SNCAIP: variants seen among roughly 807,000 people sequenced by gnomAD.
SNCAIP encodes the protein synphilin-1.
A neutral mutation model predicts 86.7 loss-of-function variants in SNCAIP; 43 were observed. That is an observed-to-expected ratio of 0.50 (90% confidence interval 0.39 to 0.64). SNCAIP has a LOEUF of 0.64. Among genes scored for constraint, SNCAIP ranks in the 30% least tolerant of loss-of-function variants. The pLI is 0.00. For missense variants in SNCAIP, 981 were observed against 1,103.1 expected, an observed-to-expected ratio of 0.89 and a Z score of 1.57; for synonymous variants, 417 against 427.2, an observed-to-expected ratio of 0.98 and a Z score of 0.29.
chr5:122,367,765 A>G (rs1485938388), intron 1 of SNCAIP, among the ~76,000 whole-genome samples: 1 of 152,186 alleles, frequency 6.6e-6, no homozygotes, highest in Non-Finnish European at 1.5e-5. Context: ...TAGGAGATAA[A>G]TAGTAACAAA....
At chr5:122,427,464 C>T (rs1036028361) in intron 5 of SNCAIP, among the ~76,000 whole-genome samples, 1 of 151,806 alleles carries the variant, frequency 6.6e-6, no homozygotes, top group African/African-American at 2.4e-5. Flanking sequence ...GCTTTTCATA[C>T]TTAACTTCCA....
At chr5:122,370,430 T>A (rs1263945597) in intron 1 of SNCAIP, among the ~76,000 whole-genome samples, 2 of 152,114 alleles carry the variant, frequency 1.3e-5, no homozygotes, top group Admixed American at 6.6e-5. Flanking sequence ...GTATTGTACT[T>A]TAGTGTGTTC....
At chr5:122,447,449 C>G (rs1487593999) in intron 8 of SNCAIP, among the ~76,000 whole-genome samples, 1 of 152,180 alleles carries the variant, frequency 6.6e-6, no homozygotes, top group Non-Finnish European at 1.5e-5. Flanking sequence ...TCTTCCTTCT[C>G]CATTCATACC....
chr5:122,457,192 G>A lies in SNCAIP; in HGVS notation c.2754+5591G>A, dbSNP rs982585584. On this transcript the variant is annotated intron_variant, in intron 10 of 10. Coordinates refer to ENST00000261368, the MANE Select transcript of SNCAIP (RefSeq NM_005460.4). ...TAATTTTTGTCTTTTTAGTAGAGAC[G>A]AGGTTTCACCCTGTTGGCCAGGCTG... Among the ~76,000 whole-genome samples the A allele has an allele frequency of 8.5e-5, 13 of 152,090 alleles. No individual in the cohort carries two copies. The South Asian group carries it at 1.7e-3, about 20-fold the overall frequency.
intron 10 of SNCAIP, among the ~76,000 whole-genome samples, chr5:122,452,487 T>C (rs916044630): frequency 6.6e-6 from 1 of 152,204 alleles, no homozygotes; most frequent in African/African-American, 2.4e-5. Context: ...AGAATCCCAT[T>C]ACAATGAGGT....
intron 3 of SNCAIP, among the ~76,000 whole-genome samples, chr5:122,421,994 C>T (rs1776457376): frequency 7.5e-6 from 1 of 132,958 alleles, no homozygotes; most frequent in Non-Finnish European, 1.6e-5. Context: ...TTTATCCAAA[C>T]TTTGCACAGA....
In SNCAIP at chr5:122,450,003, TTCC is replaced by T. The variant is rs1178728365; in HGVS notation, c.1685+68_1685+70del. 1.2e-5 allele frequency: 13 copies of T among 1,070,688 alleles called. No homozygotes were observed. The African/African-American group carries it at 2.0e-4, about 17-fold the overall frequency. 66.3% of individuals were successfully genotyped at this position (1,070,688 alleles called of 1,614,324 possible). On this transcript the variant is annotated intron_variant, in intron 9 of 10. Coordinates refer to ENST00000261368, the MANE Select transcript of SNCAIP (RefSeq NM_005460.4). ...TAAATTGTTAAGCCTTCTTCTGAAC[TTCC>T]TTTGATATATTTTAAGAGGATGACA...
intron 1 of SNCAIP, among the ~76,000 whole-genome samples, chr5:122,333,795 G>T (rs1383206758): frequency 6.6e-6 from 1 of 152,202 alleles, no homozygotes; most frequent in East Asian, 1.9e-4. Flanking sequence ...CTGAGCAGGG[G>T]GTGGTTGTGT....
chr5:122,418,728 CAG>C (rs1775794341), intron 3 of SNCAIP, among the ~76,000 whole-genome samples: 1 of 152,140 alleles, frequency 6.6e-6, no homozygotes, highest in Non-Finnish European at 1.5e-5. Flanking sequence ...CTCTGTAAAT[CAG>C]GGGTATTTAG....
chr5:122,397,066 C>A (rs1364391068), intron 2 of SNCAIP, among the ~76,000 whole-genome samples: 1 of 152,094 alleles, frequency 6.6e-6, no homozygotes, highest in Non-Finnish European at 1.5e-5. Flanking sequence ...ATAATCTTCC[C>A]GGACACACCT....
At chr5:122,356,839 C>G (rs1761110091) in intron 1 of SNCAIP, among the ~76,000 whole-genome samples, 1 of 152,218 alleles carries the variant, frequency 6.6e-6, no homozygotes, top group South Asian at 2.1e-4. Flanking sequence ...AGTACCAGGC[C>G]TGGACCGATG....
At chr5:122,462,847 C>G (rs1022427371) in intron 10 of SNCAIP, among the ~76,000 whole-genome samples, 1 of 152,120 alleles carries the variant, frequency 6.6e-6, no homozygotes, top group East Asian at 1.9e-4. Context: ...GGAGTAATAC[C>G]TCATGAAAAT....
At chr5:122,395,915 T>G (rs1457368415) in intron 2 of SNCAIP, among the ~76,000 whole-genome samples, 2 of 152,144 alleles carry the variant, frequency 1.3e-5, no homozygotes, top group Non-Finnish European at 2.9e-5. Context: ...CTTCTGTACC[T>G]TCTAGAAGGT....
chr5:122,444,922 GC>G, intron 8 of SNCAIP, 190 bp downstream of exon 8: 1 of 642,416 alleles, frequency 1.6e-6, no homozygotes, highest in Non-Finnish European at 2.8e-6. Context: ...CTCTGCAGAG[GC>G]AAAAGGATGT....
Position 122,447,408 on chromosome 5 carries a change from C to T in SNCAIP, c.1593-2437C>T, listed in dbSNP as rs1782558127. On this transcript the variant is annotated intron_variant, in intron 8 of 10. Coordinates refer to ENST00000261368, the MANE Select transcript of SNCAIP (RefSeq NM_005460.4). ...CTACAATTAAAGCTGATGAGTTCTT[C>T]CTGAGGGCTACTATAGAATCCAGAG... 3.3e-5 allele frequency among the ~76,000 whole-genome samples: 5 copies of T among 152,210 alleles called. No homozygotes were observed. In the South Asian group the frequency reaches 1.0e-3, roughly 32 times the overall value.
chr5:122,370,872 C>T (rs1202040921), intron 1 of SNCAIP, among the ~76,000 whole-genome samples: 2 of 152,090 alleles, frequency 1.3e-5, no homozygotes, highest in Non-Finnish European at 2.9e-5. Context: ...GTATTATTTG[C>T]TATAAATTGT....
intron 5 of SNCAIP, among the ~76,000 whole-genome samples, chr5:122,430,454 T>C (rs890688002): frequency 3.9e-5 from 6 of 152,214 alleles, no homozygotes; most frequent in African/African-American, 1.2e-4. Flanking sequence ...ATGAGGTAGT[T>C]ACTATTATCC....
chr5:122,450,301 ACAGTAAAACAGACAAATTTAGTAGT>A (rs1783449514), intron 9 of SNCAIP, among the ~76,000 whole-genome samples: 1 of 152,260 alleles, frequency 6.6e-6, no homozygotes, highest in Non-Finnish European at 1.5e-5. Context: ...TGATGTATAA[ACAGTAAAACAGACAAATTTAGTAGT>A]CATGGTAGTT....
At chr5:122,369,053 T>C (rs776369507) in intron 1 of SNCAIP, among the ~76,000 whole-genome samples, 1 of 152,174 alleles carries the variant, frequency 6.6e-6, no homozygotes, top group South Asian at 2.1e-4. Context: ...AGCTCTGATC[T>C]CAAGAAGGCA....
Sources: allele counts gnomAD v4.1 joint callset (sites outside exome capture counted in the v4.1 genomes callset), GRCh38; gene constraint gnomAD v4.1.1; transcripts MANE v1.5; gene names NCBI Gene and HGNC (gene_info 2026-07-23, HGNC 2026-07-21).